MARCHF5: variants seen among roughly 807,000 people sequenced by gnomAD.
MARCHF5 encodes E3 ubiquitin-protein ligase MARCHF5.
MARCHF5 carries 5 observed loss-of-function variants against 36.5 expected under a neutral mutation model. The ratio of observed to expected loss-of-function variants is 0.14; its 90% CI spans 0.07 to 0.29. The LOEUF (loss-of-function observed/expected upper bound fraction) is 0.29, where lower values mean the gene tolerates loss of function less well. MARCHF5 is among the 10% of genes least tolerant of loss of function. The pLI is 1.00. For missense variants in MARCHF5, 179 were observed against 336.3 expected (o/e 0.53, Z 3.66); for synonymous variants, 103 against 109.9 (o/e 0.94, Z 0.39).
chr10:92,324,384 C>T (rs1272834113), intron 2 of MARCHF5, among the ~76,000 whole-genome samples: 2 of 151,996 alleles, frequency 1.3e-5, no homozygotes, highest in Non-Finnish European at 2.9e-5. Context: ...ATTTATGAGA[C>T]GGAGTCTCAC....
intron 3 of MARCHF5, 85 bp from the exon 4 acceptor site, chr10:92,349,264 C>A: frequency 2.0e-6 from 2 of 986,972 alleles, no homozygotes; most frequent in Non-Finnish European, 2.9e-6. Context: ...TGAAATTAAG[C>A]ATTTTCTATT....
intron 1 of MARCHF5, among the ~76,000 whole-genome samples, chr10:92,298,090 C>T (rs1009418723): frequency 2.6e-5 from 4 of 152,076 alleles, no homozygotes; most frequent in South Asian, 2.1e-4. Flanking sequence ...CTCAGCTACT[C>T]GGGAGGCTGA....
chr10:92,347,951 G>C (rs1479712586), intron 3 of MARCHF5, among the ~76,000 whole-genome samples: 1 of 152,152 alleles, frequency 6.6e-6, no homozygotes, highest in African/African-American at 2.4e-5. Context: ...CGGAGGCCGA[G>C]GCGGGTGGAT....
intron 3 of MARCHF5, among the ~76,000 whole-genome samples, chr10:92,348,539 T>C (rs1277736138): frequency 6.6e-6 from 1 of 151,898 alleles, no homozygotes; most frequent in Non-Finnish European, 1.5e-5. Flanking sequence ...GATGTGGAAG[T>C]GAAAAGGATT....
In MARCHF5 at chr10:92,352,231, A is replaced by G. The variant is rs554430668; in HGVS notation, c.*1024A>G. 4.8e-4 allele frequency: 74 copies of G among 152,584 alleles called. 1 individual carries two copies. The highest frequency in any genetic ancestry group is 1.7e-3 in the African/African-American group (72 of 41,542). The allele number at this position is 152,584 out of a possible 1,614,324, so 9.5% of individuals were successfully genotyped here. A position where few individuals can be genotyped will look rare whatever the true frequency, so the allele number is the denominator to read the frequency against. On this transcript the variant is annotated 3_prime_UTR_variant, in exon 6 of 6. Coordinates refer to ENST00000358935, the MANE Select transcript of MARCHF5 (RefSeq NM_017824.5). Reference sequence around the variant, plus strand: ...ACAGTCTAGTTTCAGCACATAGAAAACCAGCAGTGAATAAACCAAGGTGAG... The same window carrying G: ...ACAGTCTAGTTTCAGCACATAGAAAGCCAGCAGTGAATAAACCAAGGTGAG...
intron 1 of MARCHF5, 48 bp from the exon 2 acceptor site, chr10:92,311,087 T>G (rs1843139738): frequency 1.4e-6 from 2 of 1,429,552 alleles, no homozygotes; most frequent in African/African-American, 2.8e-5. Context: ...TAGAGGAGGC[T>G]GGAGTCCTAA....
chr10:92,338,117 A>T (rs554672970), intron 2 of MARCHF5, among the ~76,000 whole-genome samples: 1 of 151,818 alleles, frequency 6.6e-6, no homozygotes, highest in Non-Finnish European at 1.5e-5. Context: ...TGAGCTGGGG[A>T]GGTCAAGGCT....
At chr10:92,327,668 A>G (rs1405967795) in intron 2 of MARCHF5, among the ~76,000 whole-genome samples, 4 of 152,198 alleles carry the variant, frequency 2.6e-5, no homozygotes, top group African/African-American at 9.6e-5. Flanking sequence ...CTTTGCCAAC[A>G]TGCTGCTATC....
At chr10:92,308,788 T>C (rs985674452) in intron 1 of MARCHF5, among the ~76,000 whole-genome samples, 4 of 151,188 alleles carry the variant, frequency 2.6e-5, no homozygotes, top group African/African-American at 9.7e-5. Flanking sequence ...CACTGCAAGC[T>C]CCGCCTCCCG....
rs114515776 is a variant in MARCHF5, at chr10:92,326,042, C to T, written c.239-14631C>T. ...TTGAAACTTCTTATATAGAATTTTA[C>T]CAGTAACCATCCTCAAAAAGTGGTT... On this transcript the variant is annotated intron_variant, in intron 2 of 5. Coordinates refer to ENST00000358935, the MANE Select transcript of MARCHF5 (RefSeq NM_017824.5). 9.1e-3 allele frequency among the ~76,000 whole-genome samples: 1,387 copies of T among 152,168 alleles called. 12 individuals carry two copies. Among genetic ancestry groups the T allele is most frequent in the African/African-American group, 0.032 (1,325 of 41,510 alleles).
intron 2 of MARCHF5, among the ~76,000 whole-genome samples, chr10:92,319,184 G>A (rs909384501): frequency 6.6e-5 from 10 of 152,048 alleles, no homozygotes; most frequent in South Asian, 2.1e-4. Context: ...GGTGATGAAG[G>A]TATAAACAAA....
chr10:92,347,505 GATAGATAGATAGATAGATGATAGATAT>G (rs1307773414), intron 3 of MARCHF5, among the ~76,000 whole-genome samples: 336 of 87,862 alleles, frequency 3.8e-3, no homozygotes, highest in African/African-American at 0.011. Context: ...TAGATAGATA[GATAGATAGATAGATAGATGATAGATAT>G]ATAGATAGAT....
chr10:92,308,993 C>T (rs547246406), intron 1 of MARCHF5, among the ~76,000 whole-genome samples: 3 of 152,210 alleles, frequency 2.0e-5, no homozygotes, highest in Admixed American at 6.5e-5. Context: ...GCTTAAGCCA[C>T]GGCACCCGGC....
chr10:92,328,356 C>G (rs1402607901), intron 2 of MARCHF5, among the ~76,000 whole-genome samples: 1 of 147,618 alleles, frequency 6.8e-6, no homozygotes, highest in Non-Finnish European at 1.5e-5. Context: ...TTTTTTTTGC[C>G]CTTTTTTGCC....
chr10:92,337,905 GGTAC>G (rs1361325493), intron 2 of MARCHF5, among the ~76,000 whole-genome samples: 3 of 151,926 alleles, frequency 2.0e-5, no homozygotes, highest in African/African-American at 7.3e-5. Flanking sequence ...CAGGCATGGT[GGTAC>G]ATGCCTGTAA....
At chr10:92,313,168 A>G (rs993263308) in intron 2 of MARCHF5, among the ~76,000 whole-genome samples, 2 of 152,186 alleles carry the variant, frequency 1.3e-5, no homozygotes, top group African/African-American at 4.8e-5. Flanking sequence ...CAGGAGGCAA[A>G]GGTTGCAGTG....
At chr10:92,333,501 C>A in intron 2 of MARCHF5, 1 of 215,442 alleles carries the variant, frequency 4.6e-6, no homozygotes, top group Non-Finnish European at 7.9e-6. Context: ...ACAGACATGG[C>A]CCTTGCCCCC....
chr10:92,319,616 C>A (rs1843263592), intron 2 of MARCHF5, among the ~76,000 whole-genome samples: 1 of 148,146 alleles, frequency 6.8e-6, no homozygotes, highest in African/African-American at 2.5e-5. Context: ...TTTATCATTA[C>A]TTTTAAAAAA....
chr10:92,308,854 G>A (rs572587895), intron 1 of MARCHF5, among the ~76,000 whole-genome samples: 1 of 151,926 alleles, frequency 6.6e-6, no homozygotes, highest in African/African-American at 2.4e-5. Flanking sequence ...GCAGACACCC[G>A]CCACCATGCC....
Sources: allele counts gnomAD v4.1 joint callset (sites outside exome capture counted in the v4.1 genomes callset), GRCh38; gene constraint gnomAD v4.1.1; transcripts MANE v1.5; gene names NCBI Gene and HGNC (gene_info 2026-07-23, HGNC 2026-07-21).